The following SSH2 variants were observed in gnomAD, a reference collection of about 807,000 sequenced individuals.
SSH2 encodes slingshot protein phosphatase 2, also known as protein phosphatase Slingshot homolog 2.
In SSH2, 37 loss-of-function variants were observed where a neutral mutation model predicts 135.2. The ratio of observed to expected loss-of-function variants is 0.27; its 90% CI spans 0.21 to 0.36. SSH2 has a LOEUF of 0.36. SSH2 is among the 10% of genes least tolerant of loss of function. The pLI is 1.00. For synonymous variants in SSH2, 628 were observed against 646.2 expected, an observed-to-expected ratio of 0.97 and a Z score of 0.43; for missense variants, 1,408 against 1,765.3, an observed-to-expected ratio of 0.80 and a Z score of 3.63.
At chr17:29,927,978 A>G (rs886789818) in intron 1 of SSH2, among the ~76,000 whole-genome samples, 2 of 152,256 alleles carry the variant, frequency 1.3e-5, no homozygotes, top group African/African-American at 2.4e-5. Flanking sequence ...TAATGAAGTC[A>G]TATCAAGTGT....
At position 29,636,484 on chromosome 17, in the gene SSH2, T is replaced by G; in HGVS notation, c.1746A>C (p.Ser582=). 6.2e-7 allele frequency: 1 copy of G among 1,614,264 alleles called. No homozygotes were observed. ...TTGATTCATTCAGACAACACCCTGA[T>G]GAGCATCCATTGATGTCATTTAAGT... ...ELNLNDINGC[S]SGCCLNESKF... The change falls in exon 15 of 16, where the codon TCA becomes TCC. Residue 582 remains serine, a synonymous_variant. Transcript: ENST00000540801.
At chr17:29,923,203 G>T (rs891801383) in intron 1 of SSH2, among the ~76,000 whole-genome samples, 4 of 152,110 alleles carry the variant, frequency 2.6e-5, no homozygotes, top group Non-Finnish European at 5.9e-5. Context: ...AGCCACCGTG[G>T]CTGGCCTTAA....
chr17:29,895,750 T>C (rs1199354388), intron 1 of SSH2, among the ~76,000 whole-genome samples: 1 of 120,370 alleles, frequency 8.3e-6, no homozygotes, highest in African/African-American at 3.2e-5. Context: ...ATATAAAATG[T>C]ATTTTATATA....
chr17:29,814,418 G>A (rs1271248581), intron 2 of SSH2, among the ~76,000 whole-genome samples: 5 of 104,532 alleles, frequency 4.8e-5, no homozygotes, highest in Admixed American at 1.5e-4. Context: ...GGGCGACAGA[G>A]CAAGACTCTG....
At chr17:29,862,798 T>C (rs1169465624) in intron 1 of SSH2, among the ~76,000 whole-genome samples, 1 of 152,232 alleles carries the variant, frequency 6.6e-6, no homozygotes, top group Non-Finnish European at 1.5e-5. Flanking sequence ...GTAAGTATCA[T>C]AGGCTTGTTT....
chr17:29,686,242 A>G (rs1386679816), intron 5 of SSH2, among the ~76,000 whole-genome samples: 1 of 152,208 alleles, frequency 6.6e-6, no homozygotes, highest in Admixed American at 6.5e-5. Context: ...TTATATATAC[A>G]ATAACAATGC....
intron 14 of SSH2, among the ~76,000 whole-genome samples, chr17:29,638,701 A>G (rs2036022604): frequency 6.6e-6 from 1 of 151,898 alleles, no homozygotes; most frequent in South Asian, 2.1e-4. Context: ...GGTGTTTGCC[A>G]CCACGCCTGG....
Position 29,626,434 on chromosome 17 carries a change from T to C in SSH2, c.*4407A>G, listed in dbSNP as rs1230925234. The C allele has an allele frequency of 6.5e-6, 1 of 152,722 alleles. No individual in the cohort carries two copies. The highest frequency in any genetic ancestry group is 1.9e-4 in the East Asian group (1 of 5,198). 9.5% of individuals were successfully genotyped at this position (152,722 alleles called of 1,614,324 possible). Reference sequence around the variant, plus strand: ...CCCAGTTTTTAGTTTGGGTATTAGCTCTGCATGTGTACACAGGACGCTGCC... The same window carrying C: ...CCCAGTTTTTAGTTTGGGTATTAGCCCTGCATGTGTACACAGGACGCTGCC... On this transcript the variant is annotated 3_prime_UTR_variant, in exon 16 of 16. Transcript: ENST00000540801.
intron 3 of SSH2, among the ~76,000 whole-genome samples, chr17:29,704,061 T>A (rs936394783): frequency 5.3e-5 from 8 of 152,304 alleles, no homozygotes; most frequent in Non-Finnish European, 1.0e-4. Flanking sequence ...GAACAGAGCT[T>A]CTTAAAGTGG....
chr17:29,688,255 C>T lies in SSH2; in HGVS notation c.358-3571G>A, dbSNP rs183591767. ...CGATCTCTTGACCTTGTGATCCACC[C>T]GCCTCGGCCTCCCAAAGTGCTGGGA... On this transcript the variant is annotated intron_variant, in intron 5 of 15. Coordinates refer to ENST00000540801, the MANE Select transcript of SSH2 (RefSeq NM_001282129.2). Among the ~76,000 whole-genome samples the T allele has an allele frequency of 2.9e-4, 44 of 151,830 alleles. No homozygotes were observed. The East Asian group carries it at 7.1e-3, about 24-fold the overall frequency.
At chr17:29,868,202 T>C (rs896995142) in intron 1 of SSH2, among the ~76,000 whole-genome samples, 1 of 152,224 alleles carries the variant, frequency 6.6e-6, no homozygotes, top group African/African-American at 2.4e-5. Flanking sequence ...TCTTCTTCCC[T>C]GATCTAAACC....
At chr17:29,828,891 G>A (rs1264539248) in intron 2 of SSH2, among the ~76,000 whole-genome samples, 1 of 152,178 alleles carries the variant, frequency 6.6e-6, no homozygotes, top group Non-Finnish European at 1.5e-5. Flanking sequence ...ATTGGTGTTT[G>A]TGAAAAGCCA....
intron 3 of SSH2, among the ~76,000 whole-genome samples, chr17:29,778,733 C>G (rs2041769032): frequency 6.8e-6 from 1 of 146,284 alleles, no homozygotes; most frequent in African/African-American, 2.5e-5. Flanking sequence ...ACTCGTGAAG[C>G]TGAGGCAGGA....
chr17:29,714,606 T>G (rs550156075), intron 3 of SSH2, among the ~76,000 whole-genome samples: 1 of 151,764 alleles, frequency 6.6e-6, no homozygotes, highest in South Asian at 2.1e-4. Flanking sequence ...TTAAGACATT[T>G]CAGTGTTCAT....
intron 1 of SSH2, among the ~76,000 whole-genome samples, chr17:29,850,133 T>C (rs2065529222): frequency 6.6e-6 from 1 of 151,868 alleles, no homozygotes; most frequent in Non-Finnish European, 1.5e-5. Context: ...CTCTAATCTC[T>C]TTCTAAAAAT....
At chr17:29,742,369 A>T (rs1424006235) in intron 3 of SSH2, among the ~76,000 whole-genome samples, 1 of 145,192 alleles carries the variant, frequency 6.9e-6, no homozygotes, top group Non-Finnish European at 1.5e-5. Context: ...CTCAGGCTGG[A>T]GTGCAGTGGC....
At chr17:29,859,311 T>A (rs2065719436) in intron 1 of SSH2, among the ~76,000 whole-genome samples, 1 of 152,168 alleles carries the variant, frequency 6.6e-6, no homozygotes, top group Non-Finnish European at 1.5e-5. Flanking sequence ...TTTTTAACTT[T>A]TAAGTTCCTG....
At position 29,818,327 on chromosome 17, in the gene SSH2, C is replaced by A. The variant is rs552016302; in HGVS notation, c.145-24390G>T. 1.2e-3 allele frequency among the ~76,000 whole-genome samples: 183 copies of A among 151,362 alleles called. 6 individuals carry two copies. The South Asian group carries it at 0.034, about 29-fold the overall frequency. On this transcript the variant is annotated intron_variant, in intron 2 of 15. Coordinates refer to ENST00000540801, the MANE Select transcript of SSH2 (RefSeq NM_001282129.2). Reference sequence around the variant, plus strand: ...GCAGTTGCGTGATCTTGGCTCACTGCAAGCTCCGCCTCCTGGGTTCATGCC... The same window carrying A: ...GCAGTTGCGTGATCTTGGCTCACTGAAAGCTCCGCCTCCTGGGTTCATGCC...
chr17:29,850,152 A>G (rs769888338), intron 1 of SSH2, among the ~76,000 whole-genome samples: 9 of 152,226 alleles, frequency 5.9e-5, no homozygotes, highest in Non-Finnish European at 1.3e-4. Flanking sequence ...ATCTGTCTAG[A>G]AGACAGACAA....
Sources: gnomAD v4.1 joint callset for allele counts (sites outside exome capture counted in the v4.1 genomes callset) on GRCh38, gnomAD v4.1.1 for gene constraint, MANE v1.5 for transcripts, NCBI Gene and HGNC (gene_info 2026-07-23, HGNC 2026-07-21) for gene names.